Variants in PTPRD observed in about 807,000 individuals in gnomAD.
PTPRD encodes protein tyrosine phosphatase receptor type D, also known as receptor-type tyrosine-protein phosphatase delta.
A neutral mutation model predicts 214.5 loss-of-function variants in PTPRD; 34 were observed. The observed-to-expected ratio is 0.16, with a 90% CI of 0.12 to 0.21. The LOEUF (loss-of-function observed/expected upper bound fraction) is 0.21. Among genes scored for constraint, PTPRD ranks in the 10% least tolerant of loss-of-function variants. The pLI is 1.00. For synonymous variants in PTPRD, 1,128 were observed against 845.7 expected, an observed-to-expected ratio of 1.33 and a Z score of -5.79; for missense variants, 2,545 against 2,398.7, an observed-to-expected ratio of 1.06 and a Z score of -1.27.
At chr9:10,290,495 C>T (rs1596284732) in intron 3 of PTPRD, among the ~76,000 whole-genome samples, 1 of 152,098 alleles carries the variant, frequency 6.6e-6, no homozygotes, top group Admixed American at 6.6e-5. Flanking sequence ...CAGCTTAATT[C>T]TGGAAAGCTT....
At chr9:10,015,098 G>C (rs1309610957) in intron 4 of PTPRD, among the ~76,000 whole-genome samples, 2 of 152,036 alleles carry the variant, frequency 1.3e-5, no homozygotes, top group African/African-American at 4.8e-5. Context: ...CCACCTACCT[G>C]GGCAGCTTTT....
At chr9:10,160,587 A>T (rs1169000540) in intron 3 of PTPRD, among the ~76,000 whole-genome samples, 1 of 152,012 alleles carries the variant, frequency 6.6e-6, no homozygotes, top group East Asian at 1.9e-4. Flanking sequence ...TCATGAAAAT[A>T]AAGGCTATGT....
At chr9:10,374,778 C>T (rs2097695490) in intron 2 of PTPRD, among the ~76,000 whole-genome samples, 1 of 151,980 alleles carries the variant, frequency 6.6e-6, no homozygotes. Flanking sequence ...AAATATACTT[C>T]TTCTGTAATC....
chr9:8,466,533 G>C (rs1015533636), intron 31 of PTPRD, among the ~76,000 whole-genome samples: 3 of 151,832 alleles, frequency 2.0e-5, no homozygotes, highest in East Asian at 1.9e-4. Context: ...CATACTAACA[G>C]TGGTTATGAA....
intron 7 of PTPRD, among the ~76,000 whole-genome samples, chr9:9,579,288 T>G (rs751285328): frequency 3.0e-4 from 45 of 152,078 alleles, no homozygotes; most frequent in Non-Finnish European, 5.6e-4. Context: ...GTCTTTAAGT[T>G]CATCTCATTT....
At chr9:9,003,975 G>C (rs758998149) in intron 11 of PTPRD, among the ~76,000 whole-genome samples, 3 of 151,980 alleles carry the variant, frequency 2.0e-5, no homozygotes, top group African/African-American at 2.4e-5. Context: ...CTCAATCTCT[G>C]GACTAGGTCT....
At chr9:9,528,562 G>A (rs2074701144) in intron 8 of PTPRD, among the ~76,000 whole-genome samples, 2 of 152,076 alleles carry the variant, frequency 1.3e-5, no homozygotes, top group African/African-American at 4.8e-5. Flanking sequence ...AAGACATATT[G>A]CGAGAATTTT....
At chr9:8,956,925 C>A (rs903540243) in intron 11 of PTPRD, among the ~76,000 whole-genome samples, 1 of 151,860 alleles carries the variant, frequency 6.6e-6, no homozygotes, top group African/African-American at 2.4e-5. Flanking sequence ...TGAAACTCTG[C>A]AGATGATTCT....
At chr9:10,554,524 C>A (rs1479966043) in intron 2 of PTPRD, among the ~76,000 whole-genome samples, 2 of 151,990 alleles carry the variant, frequency 1.3e-5, no homozygotes, top group Non-Finnish European at 2.9e-5. Flanking sequence ...TTTCTTTAAC[C>A]CTCTAGTTTC....
At chr9:8,770,117 C>G (rs1365090227) in intron 11 of PTPRD, among the ~76,000 whole-genome samples, 1 of 151,950 alleles carries the variant, frequency 6.6e-6, no homozygotes, top group African/African-American at 2.4e-5. Flanking sequence ...CTCGTCTCTA[C>G]CAAAAAACAC....
At chr9:8,721,350 A>T (rs1487085635) in intron 12 of PTPRD, among the ~76,000 whole-genome samples, 3 of 151,268 alleles carry the variant, frequency 2.0e-5, no homozygotes, top group Non-Finnish European at 4.4e-5. Flanking sequence ...GAATCGCTTG[A>T]ACCTAGGAGT....
intron 12 of PTPRD, chr9:8,713,654 C>T (rs2098394641): frequency 5.3e-6 from 8 of 1,517,042 alleles, no homozygotes; most frequent in Non-Finnish European, 7.3e-6. Flanking sequence ...GACATGGGCG[C>T]CCGGCACCGC....
In PTPRD at chr9:9,646,460, CT is replaced by C. The variant is rs112125848; in HGVS notation, c.-286-71680del. On this transcript the variant is annotated intron_variant, in intron 7 of 45. Transcript: ENST00000381196. ...TACCAGTCCTTTGAAGGAAATCTGC[CT>C]GTTTCCTCTGTCTACTATTAAGTTT... Among the ~76,000 whole-genome samples the C allele has an allele frequency of 2.7e-3, 412 of 152,124 alleles. 3 individuals are homozygous for C. The highest frequency in any genetic ancestry group is 9.6e-3 in the African/African-American group (398 of 41,480).
chr9:9,649,629 T>C (rs1021929049), intron 7 of PTPRD, among the ~76,000 whole-genome samples: 1 of 152,222 alleles, frequency 6.6e-6, no homozygotes, highest in African/African-American at 2.4e-5. Flanking sequence ...ATTTCTCACA[T>C]CAACGATCAT....
intron 17 of PTPRD, 113 bp downstream of exon 17, chr9:8,526,514 A>G: frequency 4.4e-6 from 4 of 909,540 alleles, no homozygotes; most frequent in South Asian, 5.7e-5. Flanking sequence ...AGAAAAAAAA[A>G]AAGTTGATGG....
intron 8 of PTPRD, among the ~76,000 whole-genome samples, chr9:9,421,233 A>T (rs2078689051): frequency 6.6e-6 from 1 of 151,988 alleles, no homozygotes; most frequent in South Asian, 2.1e-4. Context: ...AAATAAAAAC[A>T]CTTTAATTCT....
intron 9 of PTPRD, among the ~76,000 whole-genome samples, chr9:9,327,087 A>T (rs957897727): frequency 4.6e-5 from 7 of 152,220 alleles, no homozygotes; most frequent in Non-Finnish European, 8.8e-5. Flanking sequence ...TCTGTAGTTT[A>T]GCAAGAACAA....
intron 3 of PTPRD, among the ~76,000 whole-genome samples, chr9:10,138,134 A>C (rs905082835): frequency 6.6e-6 from 1 of 152,106 alleles, no homozygotes; most frequent in African/African-American, 2.4e-5. Context: ...AGATGTATAG[A>C]CCTCTAGCTA....
chr9:10,478,034 G>T (rs551315249), intron 2 of PTPRD, among the ~76,000 whole-genome samples: 1 of 151,498 alleles, frequency 6.6e-6, no homozygotes, highest in East Asian at 2.0e-4. Flanking sequence ...TGCATGTGGG[G>T]CTCTAAACCT....
Sources: gnomAD v4.1 joint callset for allele counts (sites outside exome capture counted in the v4.1 genomes callset) on GRCh38, gnomAD v4.1.1 for gene constraint, MANE v1.5 for transcripts, NCBI Gene and HGNC (gene_info 2026-07-23, HGNC 2026-07-21) for gene names.